The following PDZD2 variants were observed in gnomAD, a reference collection of about 807,000 sequenced individuals.
The protein encoded by PDZD2 is PDZ domain-containing protein 2.
In PDZD2, 90 loss-of-function variants were observed where a neutral mutation model predicts 220.7. The observed-to-expected ratio is 0.41, with a 90% confidence interval of 0.34 to 0.49. The LOEUF (loss-of-function observed/expected upper bound fraction) is 0.49. Among genes scored for constraint, PDZD2 ranks in the 20% least tolerant of loss-of-function variants. The probability of loss-of-function intolerance (pLI) is 0.28; values close to 1 mark genes in which losing one functional copy is unlikely to be tolerated. For missense variants in PDZD2, 3,174 were observed against 3,608.5 expected, an observed-to-expected ratio of 0.88 and a Z score of 3.08; for synonymous variants, 1,375 against 1,450.5, an observed-to-expected ratio of 0.95 and a Z score of 1.18.
At chr5:31,811,686 T>C (rs6873191) in intron 2 of PDZD2, among the ~76,000 whole-genome samples, 4,765 of 152,106 alleles carry the variant, frequency 0.031, 248 homozygotes, top group African/African-American at 0.11. Flanking sequence ...GGGGAGTGGA[T>C]AGCCTTAAAT....
At chr5:31,695,850 C>A (rs899368527) in intron 1 of PDZD2, among the ~76,000 whole-genome samples, 3 of 152,134 alleles carry the variant, frequency 2.0e-5, no homozygotes, top group Non-Finnish European at 4.4e-5. Context: ...ACTTCAGAAG[C>A]CTTTGGGGAA....
intron 19 of PDZD2, among the ~76,000 whole-genome samples, chr5:32,078,989 C>T (rs972318645): frequency 2.0e-5 from 3 of 151,704 alleles, no homozygotes; most frequent in African/African-American, 4.8e-5. Flanking sequence ...GGCGCGGTGG[C>T]TCATCATGCC....
intron 6 of PDZD2, among the ~76,000 whole-genome samples, chr5:32,015,714 A>G (rs1023594784): frequency 1.3e-5 from 2 of 152,222 alleles, no homozygotes; most frequent in Admixed American, 6.5e-5. Flanking sequence ...GAGATTTTTC[A>G]TGAGAAAAAT....
chr5:31,716,820 A>G (rs918551385), intron 1 of PDZD2, among the ~76,000 whole-genome samples: 1 of 152,170 alleles, frequency 6.6e-6, no homozygotes, highest in African/African-American at 2.4e-5. Flanking sequence ...TATAAAAAAT[A>G]GAATTGGCAA....
chr5:32,063,747 C>T (rs973884660), intron 14 of PDZD2, among the ~76,000 whole-genome samples: 1 of 152,206 alleles, frequency 6.6e-6, no homozygotes, highest in African/African-American at 2.4e-5. Flanking sequence ...CTGAAGTTCA[C>T]GGGACCTTTA....
chr5:32,101,043 T>C (rs1744212261), intron 23 of PDZD2, 62 bp from the exon 24 acceptor site: 4 of 1,608,104 alleles, frequency 2.5e-6, no homozygotes, highest in Admixed American at 1.7e-5. Flanking sequence ...CCTGGGGGAC[T>C]TGGACATGTG....
chr5:31,870,001 AAAG>A lies in PDZD2; in HGVS notation c.476+70282_476+70284del, dbSNP rs533936850. On this transcript the variant is annotated intron_variant, in intron 2 of 24. Coordinates refer to ENST00000438447, the MANE Select transcript of PDZD2 (RefSeq NM_178140.4). Reference sequence around the variant, plus strand: ...ACAAGTGTGCAAATTATTTTTTAAAAAAGAAGAGAAAGGGAAGACAGAAAGCCA... The same window carrying A: ...ACAAGTGTGCAAATTATTTTTTAAAAAAGAGAAAGGGAAGACAGAAAGCCA... 5.1e-4 allele frequency among the ~76,000 whole-genome samples: 78 copies of A among 152,320 alleles called. 1 individual carries two copies. The highest frequency in any genetic ancestry group is 1.6e-3 in the Admixed American group (25 of 15,294).
In PDZD2 at chr5:32,110,686, C is replaced by CCAT. The variant is rs779073533; in HGVS notation, c.*2553_*2555dup. The CCAT allele has an allele frequency of 2.6e-5, 4 of 152,724 alleles. No homozygotes were observed. In the East Asian group the frequency reaches 5.8e-4, roughly 22 times the overall value. 9.5% of individuals were successfully genotyped at this position (152,724 alleles called of 1,614,324 possible). On this transcript the variant is annotated 3_prime_UTR_variant, in exon 25 of 25. Transcript: ENST00000438447. ...GATTAAAGTAGGCTGGGTTTCATTT[C>CCAT]CATCTTCCCACACATCTCATTGAAT... is the stretch of plus-strand genomic sequence containing the variant.
intron 2 of PDZD2, among the ~76,000 whole-genome samples, chr5:31,972,391 G>A (rs1749383683): frequency 6.6e-6 from 1 of 151,918 alleles, no homozygotes; most frequent in African/African-American, 2.4e-5. Context: ...TGGGATTACA[G>A]ATGTGAGCCA....
At chr5:31,684,567 T>TG (rs1746777102) in intron 1 of PDZD2, among the ~76,000 whole-genome samples, 1 of 120,826 alleles carries the variant, frequency 8.3e-6, no homozygotes, top group South Asian at 2.9e-4. Flanking sequence ...AGAGCAGTTT[T>TG]TTTTTTTTTT....
chr5:31,855,096 G>A (rs928987589), intron 2 of PDZD2: 18 of 985,288 alleles, frequency 1.8e-5, no homozygotes, highest in Non-Finnish European at 2.0e-5. Flanking sequence ...ATTACCCGGC[G>A]CCCAGCTGCT....
In PDZD2 at chr5:31,732,315, C is replaced by T. The variant is rs114748678; in HGVS notation, c.-360-66574C>T. On this transcript the variant is annotated intron_variant, in intron 1 of 24. Coordinates refer to ENST00000438447, the MANE Select transcript of PDZD2 (RefSeq NM_178140.4). ...TTCATTACTGAGGGGTCCCTGACCACATTTTGAGGTGACTCAATGATGTCA... is the reference window on the plus strand; with the variant it reads ...TTCATTACTGAGGGGTCCCTGACCATATTTTGAGGTGACTCAATGATGTCA... Among the ~76,000 whole-genome samples, 554 of 152,324 alleles carry T rather than the reference C, an allele frequency of 3.6e-3. 1 individual carries two copies. Among genetic ancestry groups the T allele is most frequent in the Non-Finnish European group, 5.6e-3 (380 of 68,026 alleles).
At chr5:32,062,486 C>T (rs918552469) in intron 14 of PDZD2, among the ~76,000 whole-genome samples, 8 of 151,746 alleles carry the variant, frequency 5.3e-5, no homozygotes, top group East Asian at 3.9e-4. Context: ...CTCGACTTCC[C>T]GGGTTCCAGC....
In PDZD2 at chr5:32,091,016, G is replaced by C. The variant is rs1471351256; in HGVS notation, c.7568G>C (p.Gly2523Ala). 2 of 1,613,716 alleles carry C rather than the reference G, an allele frequency of 1.2e-6. No homozygotes were observed. The highest frequency in any genetic ancestry group is 2.7e-5 in the African/African-American group (2 of 74,878). Residue 2523 changes from glycine to alanine, a missense_variant, in exon 20 of 25, where the codon GGC becomes GCC. Transcript: ENST00000438447. ...ELEITPRRSP[G>A]PPAGGVSCPE... is the part of the protein sequence containing the mutation. ...GAGATCACCCCCAGGAGGTCACCTG[G>C]CCCTCCTGCTGGAGGCGTTTCGTGT...
At chr5:31,658,766 C>T (rs1336726919) in intron 1 of PDZD2, among the ~76,000 whole-genome samples, 3 of 152,086 alleles carry the variant, frequency 2.0e-5, no homozygotes, top group African/African-American at 7.2e-5. Context: ...ATTACAGGCA[C>T]ACGCCACCAC....
intron 2 of PDZD2, among the ~76,000 whole-genome samples, chr5:31,820,911 GC>G (rs1755797487): frequency 1.3e-5 from 2 of 151,400 alleles, no homozygotes; most frequent in Non-Finnish European, 2.9e-5. Flanking sequence ...TGGCCATTTT[GC>G]CCTAATTTTT....
Position 32,075,364 on chromosome 5 carries a change from C to T in PDZD2, c.3537+721C>T, listed in dbSNP as rs115579594. Among the ~76,000 whole-genome samples, 519 of 152,324 alleles carry T rather than the reference C, an allele frequency of 3.4e-3. 4 individuals are homozygous for T. The highest frequency in any genetic ancestry group is 0.012 in the African/African-American group (499 of 41,586). On this transcript the variant is annotated intron_variant, in intron 18 of 24. Transcript: ENST00000438447. ...CTGGGCTGGTGCTCTCTGCCTTGGTCATCTCACAGAGCTGGAGGGACCATC... is the reference window on the plus strand; with the variant it reads ...CTGGGCTGGTGCTCTCTGCCTTGGTTATCTCACAGAGCTGGAGGGACCATC...
intron 2 of PDZD2, among the ~76,000 whole-genome samples, chr5:31,947,313 G>A (rs1445265438): frequency 2.6e-5 from 4 of 152,176 alleles, no homozygotes; most frequent in African/African-American, 7.2e-5. Flanking sequence ...GCCCATGTAT[G>A]CAGGGTACAG....
At chr5:31,691,312 C>T (rs571710571) in intron 1 of PDZD2, among the ~76,000 whole-genome samples, 2 of 152,110 alleles carry the variant, frequency 1.3e-5, no homozygotes, top group East Asian at 3.9e-4. Context: ...TGCAGACCTT[C>T]GCGGTGAGTG....
Sources: allele counts gnomAD v4.1 joint callset (sites outside exome capture counted in the v4.1 genomes callset), GRCh38; gene constraint gnomAD v4.1.1; transcripts MANE v1.5; gene names NCBI Gene and HGNC (gene_info 2026-07-23, HGNC 2026-07-21).